Variants in RNF138 observed in about 807,000 individuals in gnomAD.
The protein encoded by RNF138 is ring finger protein 138, also known as E3 ubiquitin-protein ligase RNF138.
Under a neutral mutation model 31.0 loss-of-function variants are expected in RNF138, and 12 were observed. That is an observed-to-expected ratio of 0.39 (90% CI 0.25 to 0.63). The LOEUF (loss-of-function observed/expected upper bound fraction) is 0.63. RNF138 is among the 20% of genes least tolerant of loss of function. The pLI is 0.52. For missense variants in RNF138, 192 were observed against 300.1 expected, an observed-to-expected ratio of 0.64 and a Z score of 2.66; for synonymous variants, 105 against 99.5, an observed-to-expected ratio of 1.06 and a Z score of -0.33.
chr18:32,100,897 G>A (rs1483372498), intron 2 of RNF138, among the ~76,000 whole-genome samples: 2 of 152,144 alleles, frequency 1.3e-5, no homozygotes, highest in Admixed American at 6.5e-5. Flanking sequence ...GAGCCACTGC[G>A]CCTGGCCTGA....
intron 2 of RNF138, among the ~76,000 whole-genome samples, chr18:32,103,532 T>G (rs183888869): frequency 6.6e-6 from 1 of 151,956 alleles, no homozygotes; most frequent in East Asian, 1.9e-4. Flanking sequence ...GTACCTGATA[T>G]TCAAGGCACC....
intron 2 of RNF138, among the ~76,000 whole-genome samples, chr18:32,104,485 G>A (rs1055996111): frequency 5.9e-5 from 9 of 152,088 alleles, no homozygotes; most frequent in African/African-American, 2.2e-4. Flanking sequence ...AGTGAGAGAA[G>A]AAGAAATCAG....
chr18:32,093,462 G>A (rs574242249), intron 2 of RNF138, among the ~76,000 whole-genome samples: 54 of 152,164 alleles, frequency 3.5e-4, no homozygotes, highest in Non-Finnish European at 7.1e-4. Flanking sequence ...CCTCGAGAGC[G>A]TTTTGTTTCG....
intron 2 of RNF138, among the ~76,000 whole-genome samples, chr18:32,097,045 GA>G (rs1164083126): frequency 1.3e-5 from 2 of 151,792 alleles, no homozygotes; most frequent in Admixed American, 1.3e-4. Context: ...GTAATATTTT[GA>G]AAAACATGTT....
chr18:32,093,456 G>A (rs2039746209), intron 2 of RNF138, among the ~76,000 whole-genome samples: 1 of 152,150 alleles, frequency 6.6e-6, no homozygotes, highest in Non-Finnish European at 1.5e-5. Context: ...GAACACCCTC[G>A]AGAGCGTTTT....
chr18:32,103,373 A>G (rs2039974205), intron 2 of RNF138, among the ~76,000 whole-genome samples: 1 of 151,902 alleles, frequency 6.6e-6, no homozygotes, highest in African/African-American at 2.4e-5. Context: ...AAATTTTTGT[A>G]GAGGTGGGGA....
chr18:32,104,722 T>G (rs1342865608), intron 2 of RNF138, among the ~76,000 whole-genome samples: 1 of 152,180 alleles, frequency 6.6e-6, no homozygotes, highest in Non-Finnish European at 1.5e-5. Context: ...TATACACAGC[T>G]TCTTAAAGAA....
At chr18:32,100,969 G>A (rs1415187613) in intron 2 of RNF138, among the ~76,000 whole-genome samples, 2 of 152,154 alleles carry the variant, frequency 1.3e-5, no homozygotes, top group Non-Finnish European at 2.9e-5. Context: ...TATAGGTTTC[G>A]AGAGAGTATA....
chr18:32,096,572 T>A (rs1598843190), intron 2 of RNF138, among the ~76,000 whole-genome samples: 1 of 151,090 alleles, frequency 6.6e-6, no homozygotes, highest in Non-Finnish European at 1.5e-5. Flanking sequence ...AAATATCGAG[T>A]GGAGAAAATT....
chr18:32,126,729 C>A lies in RNF138; in HGVS notation c.598C>A (p.Pro200Thr). ...PICVSLPWGD[P>T]SQITRNFVSH... ...TTGTGTGTCTCTTCCTTGGGGAGAT[C>A]CTAGCCAGATTACCAGAAATTTCGT... The change falls in exon 7 of 8, where the codon CCT becomes ACT. Residue 200 changes from proline (P) to threonine (T), a missense_variant. Pro to Thr is a conservative substitution (Grantham distance 38). Around this residue, in one of 2 missense-constraint regions of RNF138, gnomAD observed 140 missense variants for 251.7 expected, o/e 0.56. Transcript: ENST00000261593. The A allele has an allele frequency of 1.2e-6, 2 of 1,606,304 alleles. No individual in the cohort carries two copies. The highest frequency in any genetic ancestry group is 4.5e-5 in the East Asian group (2 of 44,724).
At chr18:32,121,359 G>A (rs1052627326) in intron 4 of RNF138, among the ~76,000 whole-genome samples, 1 of 152,036 alleles carries the variant, frequency 6.6e-6, no homozygotes, top group Non-Finnish European at 1.5e-5. Flanking sequence ...GCCGGGTGTG[G>A]TGGTACATGC....
chr18:32,101,280 G>A lies in RNF138; in HGVS notation c.110+8394G>A, dbSNP rs1443337561. Among the ~76,000 whole-genome samples, 3 of 149,416 alleles carry A rather than the reference G, an allele frequency of 2.0e-5. No homozygotes were observed. In the East Asian group the frequency reaches 6.0e-4, roughly 30 times the overall value. On this transcript the variant is annotated intron_variant, in intron 2 of 7. Coordinates refer to ENST00000261593, the MANE Select transcript of RNF138 (RefSeq NM_016271.5). ...TCCAGGCTGGAGTGCAGTGGCACACGCAGTCTTGGCTCACTGTAACCTCCG... is the reference window on the plus strand; with the variant it reads ...TCCAGGCTGGAGTGCAGTGGCACACACAGTCTTGGCTCACTGTAACCTCCG...
intron 2 of RNF138, among the ~76,000 whole-genome samples, chr18:32,110,830 G>C (rs1040928858): frequency 3.3e-5 from 5 of 151,914 alleles, no homozygotes; most frequent in Non-Finnish European, 7.4e-5. Context: ...GCCCAGGCTG[G>C]AGTGCAGTGG....
Position 32,130,673 on chromosome 18 carries a change from G to GAAC in RNF138, c.*1488_*1490dup, listed in dbSNP as rs1364609729. 2 of 152,386 alleles carry GAAC rather than the reference G, an allele frequency of 1.3e-5. No individual in the cohort carries two copies. Among genetic ancestry groups the GAAC allele is most frequent in the Admixed American group, 6.6e-5 (1 of 15,258 alleles). 9.4% of individuals were successfully genotyped at this position (152,386 alleles called of 1,614,324 possible). On this transcript the variant is annotated 3_prime_UTR_variant, in exon 8 of 8. Transcript: ENST00000261593. ...AAACCCTTGTTGACTTTTCTACACT[G>GAAC]AACATTTTTTTTAACTTGATTTAAT...
intron 4 of RNF138, chr18:32,122,345 A>G (rs959774822): frequency 5.3e-5 from 8 of 152,194 alleles, no homozygotes; most frequent in Non-Finnish European, 7.3e-5. Flanking sequence ...ATCAGCTGCT[A>G]AGTAGATGAT....
intron 7 of RNF138, among the ~76,000 whole-genome samples, chr18:32,127,234 G>A (rs1205837101): frequency 1.3e-5 from 2 of 152,108 alleles, no homozygotes; most frequent in African/African-American, 4.8e-5. Context: ...AAAAATGAGG[G>A]AGCTTAGTTA....
chr18:32,092,440 C>G (rs1044677377), intron 1 of RNF138, among the ~76,000 whole-genome samples: 1 of 151,554 alleles, frequency 6.6e-6, no homozygotes, highest in African/African-American at 2.4e-5. Context: ...AGGGCGTGGC[C>G]TAGAGCGTGA....
rs150347779 is a variant in RNF138, at chr18:32,097,071, T to C, written c.110+4185T>C. Among the ~76,000 whole-genome samples, 635 of 152,280 alleles carry C rather than the reference T, an allele frequency of 4.2e-3. 3 individuals are homozygous for C. The highest frequency in any genetic ancestry group is 0.015 in the African/African-American group (617 of 41,554). On this transcript the variant is annotated intron_variant, in intron 2 of 7. Transcript: ENST00000261593. ...AAAAACATGTTAAGACAAATTAATATGAAAGTTGAGCAGGTAGTCAAAGCA... is the reference window on the plus strand; with the variant it reads ...AAAAACATGTTAAGACAAATTAATACGAAAGTTGAGCAGGTAGTCAAAGCA...
chr18:32,112,690 A>G (rs1296473255), intron 3 of RNF138, among the ~76,000 whole-genome samples: 1 of 152,162 alleles, frequency 6.6e-6, no homozygotes, highest in Non-Finnish European at 1.5e-5. Flanking sequence ...CTAAAAAAAA[A>G]GAAGAAGAAA....
Sources: gnomAD v4.1 joint callset for allele counts (sites outside exome capture counted in the v4.1 genomes callset) on GRCh38, gnomAD v4.1.1 for gene constraint, gnomAD v4.1.1 regional missense constraint, MANE v1.5 for transcripts, NCBI Gene and HGNC (gene_info 2026-07-23, HGNC 2026-07-21) for gene names.